The following XKR4 variants were observed in gnomAD, a reference collection of about 807,000 sequenced individuals.
The protein encoded by XKR4 is XK related 4, also known as XK-related protein 4.
In XKR4, 12 loss-of-function variants were observed where a neutral mutation model predicts 53.9. The ratio of observed to expected loss-of-function variants is 0.22; its 90% confidence interval spans 0.14 to 0.36. The LOEUF (loss-of-function observed/expected upper bound fraction) is 0.36. XKR4 is among the 10% of genes least tolerant of loss of function. XKR4 has a pLI of 1.00. For synonymous variants in XKR4, 354 were observed against 362.4 expected, an observed-to-expected ratio of 0.98 and a Z score of 0.26; for missense variants, 799 against 859.5, an observed-to-expected ratio of 0.93 and a Z score of 0.88.
intron 1 of XKR4, among the ~76,000 whole-genome samples, chr8:55,170,466 A>G (rs1047821096): frequency 6.6e-6 from 1 of 152,162 alleles, no homozygotes; most frequent in Non-Finnish European, 1.5e-5. Context: ...GCAGGCAAGG[A>G]CAAGAAGACA....
intron 2 of XKR4, among the ~76,000 whole-genome samples, chr8:55,463,384 A>G (rs970692555): frequency 7.9e-5 from 12 of 151,746 alleles, no homozygotes; most frequent in African/African-American, 2.4e-4. Context: ...TACGGGGTAC[A>G]TAACGAAATG....
In XKR4 at chr8:55,527,891, T is replaced by C. The variant is rs1249449963; in HGVS notation, c.*3664T>C. On this transcript the variant is annotated 3_prime_UTR_variant, in exon 3 of 3. Coordinates refer to ENST00000327381, the MANE Select transcript of XKR4 (RefSeq NM_052898.2). ...AGTGATTGCACAGAACAATTAAAAG[T>C]GAATGAGAATAGTTGAAAACTCAAT... 1 of 152,182 alleles carries C rather than the reference T, an allele frequency of 6.6e-6. No individual in the cohort carries two copies. Among genetic ancestry groups the C allele is most frequent in the South Asian group, 2.1e-4 (1 of 4,836 alleles). The allele number at this position is 152,182 out of a possible 1,614,324, so 9.4% of individuals were successfully genotyped here.
intron 1 of XKR4, among the ~76,000 whole-genome samples, chr8:55,129,003 C>T (rs753603034): frequency 5.9e-5 from 9 of 152,186 alleles, no homozygotes; most frequent in Non-Finnish European, 1.2e-4. Flanking sequence ...ATCAGCACAA[C>T]CACAGGAGAC....
chr8:55,160,682 G>A (rs777059697), intron 1 of XKR4, among the ~76,000 whole-genome samples: 15 of 151,996 alleles, frequency 9.9e-5, no homozygotes, highest in East Asian at 1.9e-4. Context: ...TGTTATATTC[G>A]GTTGAACCAC....
intron 1 of XKR4, among the ~76,000 whole-genome samples, chr8:55,313,077 TTTA>T (rs1263212977): frequency 1.3e-5 from 2 of 152,232 alleles, no homozygotes; most frequent in Non-Finnish European, 1.5e-5. Context: ...AATCCTGTGT[TTTA>T]TATAAAGCAT....
intron 1 of XKR4, among the ~76,000 whole-genome samples, chr8:55,205,657 T>G (rs1817636713): frequency 6.6e-6 from 1 of 152,216 alleles, no homozygotes; most frequent in Admixed American, 6.5e-5. Context: ...ACTCAATAAT[T>G]TTAAGAAGGT....
chr8:55,453,449 A>G lies in XKR4; in HGVS notation c.1007-69832A>G, dbSNP rs927089717. On this transcript the variant is annotated intron_variant, in intron 2 of 2. Transcript: ENST00000327381. ...TAGGAGCAGCTTCTTGGCCTCAAGC[A>G]TCTTCCCCTCAAACACGTGGGAGAT... The G allele has an allele frequency of 1.8e-5, 7 of 398,410 alleles. No homozygotes were observed. The East Asian group carries it at 3.4e-4, about 19-fold the overall frequency. The allele number at this position is 398,410 out of a possible 1,614,324, so 24.7% of individuals were successfully genotyped here.
At chr8:55,156,821 T>A (rs1048295403) in intron 1 of XKR4, among the ~76,000 whole-genome samples, 5 of 152,246 alleles carry the variant, frequency 3.3e-5, no homozygotes, top group Non-Finnish European at 7.3e-5. Context: ...TGGGCCAGCA[T>A]GTAAGGTTCA....
chr8:55,428,777 G>A (rs1805056190), intron 2 of XKR4, among the ~76,000 whole-genome samples: 2 of 151,868 alleles, frequency 1.3e-5, no homozygotes, highest in South Asian at 4.1e-4. Context: ...GAAAGTGAAA[G>A]GGATCTAAGT....
At chr8:55,508,642 T>G (rs1472334985) in intron 2 of XKR4, among the ~76,000 whole-genome samples, 1 of 152,158 alleles carries the variant, frequency 6.6e-6, no homozygotes, top group Non-Finnish European at 1.5e-5. Flanking sequence ...TAGACCCAGA[T>G]ACAGTTCAGA....
chr8:55,490,603 A>C (rs1258235900), intron 2 of XKR4, among the ~76,000 whole-genome samples: 5 of 152,222 alleles, frequency 3.3e-5, no homozygotes, highest in African/African-American at 1.2e-4. Flanking sequence ...TCTCACCCCC[A>C]AAAAATATAA....
intron 2 of XKR4, among the ~76,000 whole-genome samples, chr8:55,415,078 CA>C (rs1804828510): frequency 1.3e-5 from 2 of 152,312 alleles, no homozygotes; most frequent in Admixed American, 1.3e-4. Context: ...TCAAAACAGG[CA>C]GAGTACATCT....
At chr8:55,230,797 T>G (rs1372384320) in intron 1 of XKR4, among the ~76,000 whole-genome samples, 7 of 152,224 alleles carry the variant, frequency 4.6e-5, no homozygotes, top group Non-Finnish European at 8.8e-5. Context: ...TGGTCACCTT[T>G]ATCTCCTTGT....
intron 1 of XKR4, among the ~76,000 whole-genome samples, chr8:55,222,060 A>T (rs2129365495): frequency 6.6e-6 from 1 of 152,194 alleles, no homozygotes; most frequent in East Asian, 1.9e-4. Flanking sequence ...CCCCCTGCCC[A>T]CTTAGTAACC....
In XKR4 at chr8:55,102,643, G is replaced by T. The variant is rs1816063052; in HGVS notation, c.155G>T (p.Gly52Val). 1 of 1,350,050 alleles carries T rather than the reference G, an allele frequency of 7.4e-7. No individual in the cohort carries two copies. Among genetic ancestry groups the T allele is most frequent in the Non-Finnish European group, 9.6e-7 (1 of 1,037,856 alleles). The allele number at this position is 1,350,050 out of a possible 1,614,324, so 83.6% of individuals were successfully genotyped here. ...GCCGAGGACGAGGAGGCGGCCGGGG[G>T]CGGCTGCTGCCCGGACGGCGGCGGC... ...SGAEDEEAAG[G>V]GCCPDGGGCS... Residue 52 changes from glycine (G) to valine (V), a missense_variant, in exon 1 of 3, where the codon GGC (glycine) becomes GTC (valine). Gly to Val is a moderately radical substitution (Grantham distance 109, BLOSUM62 -3). This residue lies in a region of XKR4 where 476 missense variants were observed against 505.4 expected (regional missense o/e 0.94). Coordinates refer to ENST00000327381, the MANE Select transcript of XKR4 (RefSeq NM_052898.2). The surrounding 1 kb of genome is among the most constrained non-coding windows in gnomAD (Gnocchi z 5.1).
At chr8:55,496,242 G>T (rs1328746566) in intron 2 of XKR4, among the ~76,000 whole-genome samples, 1 of 152,112 alleles carries the variant, frequency 6.6e-6, no homozygotes, top group African/African-American at 2.4e-5. Context: ...ATAAAGATTA[G>T]GACTCTGGAA....
At chr8:55,463,585 C>G (rs974026409) in intron 2 of XKR4, among the ~76,000 whole-genome samples, 9 of 152,122 alleles carry the variant, frequency 5.9e-5, no homozygotes, top group Admixed American at 3.9e-4. Flanking sequence ...CAAGAGCAAA[C>G]ACGTTCAAAA....
chr8:55,516,348 G>A (rs931892988), intron 2 of XKR4, among the ~76,000 whole-genome samples: 9 of 152,180 alleles, frequency 5.9e-5, no homozygotes, highest in African/African-American at 1.9e-4. Context: ...TATGGTGAGA[G>A]TGTGAGGAGA....
chr8:55,330,360 C>T (rs1455576053), intron 1 of XKR4, among the ~76,000 whole-genome samples: 2 of 152,094 alleles, frequency 1.3e-5, no homozygotes, highest in African/African-American at 4.8e-5. Flanking sequence ...ATAAAATTAT[C>T]TCTACCCCAG....
Sources: allele counts gnomAD v4.1 joint callset (sites outside exome capture counted in the v4.1 genomes callset), GRCh38; gene constraint gnomAD v4.1.1; regional missense constraint gnomAD v4.1.1; non-coding constraint Gnocchi (gnomAD v3.1); transcripts MANE v1.5; gene names NCBI Gene and HGNC (gene_info 2026-07-23, HGNC 2026-07-21).